Variants in HAVCR2 observed in about 807,000 individuals in gnomAD.
HAVCR2 encodes the protein T cell immunoglobulin mucin 3.
HAVCR2 carries 13 observed loss-of-function variants against 24.7 expected under a neutral mutation model. That is an observed-to-expected ratio of 0.53 (90% CI 0.34 to 0.84). HAVCR2 has a LOEUF of 0.84. Ranked by LOEUF, HAVCR2 falls within the 40% of genes least tolerant of loss-of-function variation. The probability of loss-of-function intolerance (pLI) is 0.01; values close to 1 mark genes in which losing one functional copy is unlikely to be tolerated. For missense variants in HAVCR2, 343 were observed against 371.2 expected (o/e 0.92, Z 0.62); for synonymous variants, 154 against 143.4 (o/e 1.07, Z -0.53).
At position 157,088,984 on chromosome 5, in the gene HAVCR2, A is replaced by G. The variant is rs1385060943; in HGVS notation, c.677-7T>C. On this transcript the variant is annotated splice_polypyrimidine_tract_variant and splice_region_variant and intron_variant, in intron 5 of 6. Coordinates refer to ENST00000307851, the MANE Select transcript of HAVCR2 (RefSeq NM_032782.5). ...TCTTTGCTATGAGAATACCCTAGTA[A>G]GGGGGAAACAAAAGCCAATAAAAAT... is the stretch of plus-strand genomic sequence containing the variant. 2 of 1,601,830 alleles carry G rather than the reference A, an allele frequency of 1.2e-6. No homozygotes were observed. Among genetic ancestry groups the G allele is most frequent in the Non-Finnish European group, 1.7e-6 (2 of 1,175,318 alleles).
At chr5:157,096,760 A>G (rs930117566) in intron 4 of HAVCR2, among the ~76,000 whole-genome samples, 1 of 151,980 alleles carries the variant, frequency 6.6e-6, no homozygotes, top group Non-Finnish European at 1.5e-5. Context: ...CTGGGCGACA[A>G]GAGCAAAACT....
chr5:157,089,124 TTAGA>T, intron 5 of HAVCR2, 147 bp from the exon 6 acceptor site: 1 of 650,440 alleles, frequency 1.5e-6, no homozygotes. Context: ...AACGTGTGCC[TTAGA>T]TAGTTATATG....
chr5:157,099,221 A>G (rs1458148156), intron 3 of HAVCR2, among the ~76,000 whole-genome samples: 2 of 152,162 alleles, frequency 1.3e-5, no homozygotes, highest in Admixed American at 6.6e-5. Flanking sequence ...GAGTTCTACA[A>G]ACATCTAGCA....
chr5:157,096,963 CAT>C (rs770975000), intron 4 of HAVCR2, among the ~76,000 whole-genome samples: 244 of 111,570 alleles, frequency 2.2e-3, no homozygotes, highest in African/African-American at 5.0e-3. Flanking sequence ...CACACACACA[CAT>C]ATAATTATAA....
chr5:157,089,397 G>A (rs985546956), intron 5 of HAVCR2, among the ~76,000 whole-genome samples: 1 of 152,090 alleles, frequency 6.6e-6, no homozygotes, highest in Non-Finnish European at 1.5e-5. Flanking sequence ...TTAGCTGGAT[G>A]TGGTGGCCCA....
rs1419135168 is a variant in HAVCR2, at chr5:157,095,316, T to C, written c.666A>G (p.Leu222=). The change falls in exon 5 of 7, where the codon TTA becomes TTG. Residue 222 remains leucine, a synonymous_variant. Coordinates refer to ENST00000307851, the MANE Select transcript of HAVCR2 (RefSeq NM_032782.5). ...GLALALIFGA[L]IFKWYSHSKE... ...AACAAAAACACTTACATTTGAAAAT[T>C]AAAGCGCCGAAGATAAGAGCCAGAG... 2 of 1,613,426 alleles carry C rather than the reference T, an allele frequency of 1.2e-6. No homozygotes were observed. The highest frequency in any genetic ancestry group is 1.7e-6 in the Non-Finnish European group (2 of 1,179,842).
intron 6 of HAVCR2, among the ~76,000 whole-genome samples, chr5:157,088,158 C>T (rs1756941755): frequency 6.6e-6 from 1 of 152,190 alleles, no homozygotes; most frequent in African/African-American, 2.4e-5. Context: ...GATCCTCCCA[C>T]CTCAGCCTCC....
rs758895328 is a variant in HAVCR2 at position 157,087,343 on chromosome 5, C to T, written c.714-49G>A. 6.0e-5 allele frequency: 91 copies of T among 1,511,056 alleles called. 1 individual carries two copies. Among genetic ancestry groups the T allele is most frequent in the Non-Finnish European group, 7.9e-5 (88 of 1,112,580 alleles). The allele number at this position is 1,511,056 out of a possible 1,614,324, so 93.6% of individuals were successfully genotyped here. On this transcript the variant is annotated intron_variant, in intron 6 of 6. Coordinates refer to ENST00000307851, the MANE Select transcript of HAVCR2 (RefSeq NM_032782.5). ...TGAGTTAAGCATTTCCCAGGTAACA[C>T]GGAATAGAGTTAAGAGAATAGGCTT...
At chr5:157,107,916 C>G (rs1035903412) in intron 1 of HAVCR2, among the ~76,000 whole-genome samples, 5 of 150,082 alleles carry the variant, frequency 3.3e-5, no homozygotes, top group Non-Finnish European at 7.4e-5. Context: ...ACCTTGTCCC[C>G]TTTAAATCTG....
At chr5:157,092,385 C>T (rs1757016759) in intron 5 of HAVCR2, among the ~76,000 whole-genome samples, 1 of 151,874 alleles carries the variant, frequency 6.6e-6, no homozygotes, top group African/African-American at 2.4e-5. Flanking sequence ...TTATTTAAGC[C>T]CAGGAGTTTG....
Position 157,106,833 on chromosome 5 carries a change from C to T in HAVCR2, c.188G>A (p.Cys63Tyr), listed in dbSNP as rs1328023154. Residue 63 changes from cysteine (C) to tyrosine (Y), a missense_variant, in exon 2 of 7, where the codon TGT becomes TAT. Physicochemically the swap from Cys to Tyr is radical, Grantham distance 194. Transcript: ENST00000307851. ...ATCAGTCCTGAGCACCACGTTGCCA[C>T]ATTCAAACACAGGACAGGCTCCTTT... ...WGKGACPVFE[C>Y]GNVVLRTDER... 6.2e-7 allele frequency: 1 copy of T among 1,614,212 alleles called. No individual in the cohort carries two copies. Among genetic ancestry groups the T allele is most frequent in the Admixed American group, 1.7e-5 (1 of 60,006 alleles).
chr5:157,102,349 C>T (rs1197385900), intron 3 of HAVCR2, among the ~76,000 whole-genome samples: 1 of 152,150 alleles, frequency 6.6e-6, no homozygotes, highest in Non-Finnish European at 1.5e-5. Context: ...GCTGGGATTA[C>T]ACATGTGAGC....
chr5:157,107,147 CG>C (rs1757264710), intron 1 of HAVCR2, 185 bp from the exon 2 acceptor site: 1 of 572,894 alleles, frequency 1.7e-6, no homozygotes, highest in Admixed American at 3.2e-5. Flanking sequence ...GGAAGCCTTG[CG>C]AAAACACAGA....
At chr5:157,103,594 G>C (rs1413914527) in intron 3 of HAVCR2, among the ~76,000 whole-genome samples, 1 of 152,138 alleles carries the variant, frequency 6.6e-6, no homozygotes, top group African/African-American at 2.4e-5. Context: ...ACTAACCAAA[G>C]ACTGAAACTT....
chr5:157,089,536 C>CAAAA (rs11365810), intron 5 of HAVCR2, among the ~76,000 whole-genome samples: 1 of 100,346 alleles, frequency 1.0e-5, no homozygotes, highest in Admixed American at 1.1e-4. Context: ...AACTCCGTCT[C>CAAAA]AAAAAAAAAA....
chr5:157,098,330 C>T (rs1281905491), intron 4 of HAVCR2, among the ~76,000 whole-genome samples: 1 of 151,902 alleles, frequency 6.6e-6, no homozygotes, highest in Non-Finnish European at 1.5e-5. Flanking sequence ...TCGCTTGAAC[C>T]CGGGAGGCGG....
chr5:157,094,702 G>T, intron 5 of HAVCR2, among the ~76,000 whole-genome samples: 1 of 147,486 alleles, frequency 6.8e-6, no homozygotes, highest in African/African-American at 2.5e-5. Flanking sequence ...GTTTTTGTTT[G>T]TTTGCTAGTT....
At chr5:157,106,999 G>A in intron 1 of HAVCR2, 37 bp from the exon 2 acceptor site, 1 of 1,532,160 alleles carries the variant, frequency 6.5e-7, no homozygotes, top group Non-Finnish European at 8.9e-7. Flanking sequence ...GACTCAAGCG[G>A]TGAGTGAGGT....
chr5:157,093,591 C>T (rs967852288), intron 5 of HAVCR2, among the ~76,000 whole-genome samples: 3 of 152,096 alleles, frequency 2.0e-5, no homozygotes, highest in Non-Finnish European at 4.4e-5. Flanking sequence ...TGTCATATTA[C>T]GCTCTGGGGC....
Sources: gnomAD v4.1 joint callset for allele counts (sites outside exome capture counted in the v4.1 genomes callset) on GRCh38, gnomAD v4.1.1 for gene constraint, MANE v1.5 for transcripts, NCBI Gene and HGNC (gene_info 2026-07-23, HGNC 2026-07-21) for gene names.